The following LDLRAD3 variants were observed in gnomAD, a reference collection of about 807,000 sequenced individuals.
LDLRAD3 encodes low density lipoprotein receptor class A domain containing 3, also known as low-density lipoprotein receptor class A domain-containing protein 3.
In LDLRAD3, 20 loss-of-function variants were observed where a neutral mutation model predicts 29.4. The ratio of observed to expected loss-of-function variants is 0.68; its 90% CI spans 0.48 to 0.99. LDLRAD3 has a LOEUF of 0.99. Among genes scored for constraint, LDLRAD3 ranks in the 50% least tolerant of loss-of-function variants. The pLI is 0.00. For missense variants in LDLRAD3, 420 were observed against 454.3 expected, an observed-to-expected ratio of 0.92 and a Z score of 0.69; for synonymous variants, 157 against 192.7, an observed-to-expected ratio of 0.81 and a Z score of 1.53.
intron 1 of LDLRAD3, chr11:35,989,121 A>C (rs1851655335): frequency 6.6e-6 from 1 of 152,172 alleles, no homozygotes; most frequent in Non-Finnish European, 1.5e-5. Context: ...CCGTTTACTG[A>C]ATAGGAAGTC....
At chr11:36,075,513 TA>T (rs1471692998) in intron 2 of LDLRAD3, among the ~76,000 whole-genome samples, 1 of 152,248 alleles carries the variant, frequency 6.6e-6, no homozygotes, top group Non-Finnish European at 1.5e-5. Flanking sequence ...GTCAAGTTAC[TA>T]TTTTTCTCTT....
chr11:35,994,161 A>G (rs1851722751), intron 1 of LDLRAD3, among the ~76,000 whole-genome samples: 1 of 151,936 alleles, frequency 6.6e-6, no homozygotes, highest in Non-Finnish European at 1.5e-5. Context: ...CCATGGGTTC[A>G]GTTCCAGACC....
chr11:36,151,169 G>A (rs1248995523), intron 4 of LDLRAD3, among the ~76,000 whole-genome samples: 1 of 152,106 alleles, frequency 6.6e-6, no homozygotes, highest in Non-Finnish European at 1.5e-5. Flanking sequence ...TTCACATGGT[G>A]CTGTTTCAGT....
intron 1 of LDLRAD3, among the ~76,000 whole-genome samples, chr11:35,991,086 C>T (rs972443225): frequency 9.8e-5 from 15 of 152,288 alleles, no homozygotes; most frequent in African/African-American, 3.1e-4. Context: ...TGGAGGCTAT[C>T]GTATCAATAA....
In LDLRAD3 at chr11:35,983,510, G is replaced by A. The variant is rs138717468; in HGVS notation, c.46+39366G>A. On this transcript the variant is annotated intron_variant, in intron 1 of 5. Coordinates refer to ENST00000315571, the MANE Select transcript of LDLRAD3 (RefSeq NM_174902.4). ...CAGTGCTCTCACTGGCTGGCTTACC[G>A]TTCAGATGGCAACACCTAGACCCCT... Among the ~76,000 whole-genome samples the A allele has an allele frequency of 2.3e-3, 343 of 152,360 alleles. 1 individual carries two copies. Among genetic ancestry groups the A allele is most frequent in the African/African-American group, 7.9e-3 (327 of 41,582 alleles).
chr11:36,156,076 A>G (rs1431420480), intron 4 of LDLRAD3, among the ~76,000 whole-genome samples: 8 of 152,192 alleles, frequency 5.3e-5, no homozygotes, highest in Admixed American at 5.2e-4. Flanking sequence ...GACTCCATAC[A>G]AGAGATTGAC....
Position 36,227,098 on chromosome 11 carries a change from G to A in LDLRAD3, c.468G>A (p.Gly156=). ...TGGGTTTCTCAGAACCCGGCAGTGG[G>A]CAGGTGTTTGTGACTTCAGAGAACC... The part of the protein sequence containing the change: ...SCESSQEPGS[G]QVFVTSENQL... The change falls in exon 5 of 6, where the codon GGG becomes GGA. Residue 156 remains glycine (G), a synonymous_variant. Coordinates refer to ENST00000315571, the MANE Select transcript of LDLRAD3 (RefSeq NM_174902.4). 1 of 1,594,234 alleles carries A rather than the reference G, an allele frequency of 6.3e-7. No individual in the cohort carries two copies. The highest frequency in any genetic ancestry group is 8.6e-7 in the Non-Finnish European group (1 of 1,165,318).
At chr11:36,199,446 TCTC>T (rs1855085024) in intron 4 of LDLRAD3, among the ~76,000 whole-genome samples, 1 of 152,176 alleles carries the variant, frequency 6.6e-6, no homozygotes, top group African/African-American at 2.4e-5. Flanking sequence ...TCCACCTCTT[TCTC>T]CTCCTCATCT....
intron 2 of LDLRAD3, among the ~76,000 whole-genome samples, chr11:36,070,915 G>GAAAAA (rs1852890422): frequency 6.6e-6 from 1 of 152,104 alleles, no homozygotes; most frequent in Non-Finnish European, 1.5e-5. Flanking sequence ...TGTAGCCCAG[G>GAAAAA]AAAGTCAACT....
At chr11:36,184,554 A>G (rs77653187) in intron 4 of LDLRAD3, among the ~76,000 whole-genome samples, 93 of 152,294 alleles carry the variant, frequency 6.1e-4, no homozygotes, top group African/African-American at 2.1e-3. Context: ...GTGATAAAAG[A>G]TGCCTTTCTC....
At chr11:35,991,572 A>G (rs918413238) in intron 1 of LDLRAD3, among the ~76,000 whole-genome samples, 1 of 152,146 alleles carries the variant, frequency 6.6e-6, no homozygotes, top group Non-Finnish European at 1.5e-5. Flanking sequence ...CAAATTTGTC[A>G]TGTTCCTTTT....
intron 1 of LDLRAD3, among the ~76,000 whole-genome samples, chr11:36,015,135 T>G (rs1206118687): frequency 6.6e-6 from 1 of 152,242 alleles, no homozygotes. Flanking sequence ...TAAGCCGAGC[T>G]TCAGTAGATG....
intron 1 of LDLRAD3, among the ~76,000 whole-genome samples, chr11:35,948,185 G>A (rs932866343): frequency 2.6e-5 from 4 of 152,004 alleles, no homozygotes; most frequent in Non-Finnish European, 4.4e-5. Context: ...TGTGTTTATT[G>A]TATTTTAGAA....
chr11:36,167,624 T>C (rs145543550), intron 4 of LDLRAD3, among the ~76,000 whole-genome samples: 1 of 152,216 alleles, frequency 6.6e-6, no homozygotes, highest in East Asian at 1.9e-4. Context: ...GCACCCAAGA[T>C]AGCCAGAAAC....
intron 2 of LDLRAD3, among the ~76,000 whole-genome samples, chr11:36,066,590 A>T (rs533781362): frequency 2.6e-5 from 4 of 151,638 alleles, no homozygotes; most frequent in South Asian, 4.2e-4. Context: ...ACCTTTAAAA[A>T]CCCCTTTACA....
chr11:36,015,434 T>C (rs1056260054), intron 1 of LDLRAD3, among the ~76,000 whole-genome samples: 1 of 150,852 alleles, frequency 6.6e-6, no homozygotes, highest in Non-Finnish European at 1.5e-5. Flanking sequence ...AGGAGAGGAA[T>C]GGTGTCTATA....
chr11:36,189,378 A>C (rs931618700), intron 4 of LDLRAD3, among the ~76,000 whole-genome samples: 2 of 151,938 alleles, frequency 1.3e-5, no homozygotes, highest in African/African-American at 4.8e-5. Context: ...CAGCTACATG[A>C]GAGGCTGAGG....
At chr11:36,022,533 C>T (rs1852111138) in intron 1 of LDLRAD3, among the ~76,000 whole-genome samples, 1 of 152,048 alleles carries the variant, frequency 6.6e-6, no homozygotes, top group Non-Finnish European at 1.5e-5. Flanking sequence ...ATGGACAGAA[C>T]AGCCCTTTGA....
chr11:35,973,856 C>G (rs1441374029), intron 1 of LDLRAD3, among the ~76,000 whole-genome samples: 1 of 152,130 alleles, frequency 6.6e-6, no homozygotes, highest in Non-Finnish European at 1.5e-5. Context: ...AATGAGGGTG[C>G]CATTTTTCCC....
Sources: allele counts gnomAD v4.1 joint callset (sites outside exome capture counted in the v4.1 genomes callset), GRCh38; gene constraint gnomAD v4.1.1; transcripts MANE v1.5; gene names NCBI Gene and HGNC (gene_info 2026-07-23, HGNC 2026-07-21).